Variants in SDK1 observed in about 807,000 individuals in gnomAD.
SDK1 encodes protein sidekick-1.
Under a neutral mutation model 245.5 loss-of-function variants are expected in SDK1, and 157 were observed. The ratio of observed to expected loss-of-function variants is 0.64; its 90% CI spans 0.56 to 0.73. The LOEUF (loss-of-function observed/expected upper bound fraction) is 0.73. SDK1 is among the 30% of genes least tolerant of loss of function. The pLI is 0.00. For synonymous variants in SDK1, 1,647 were observed against 1,278.5 expected, an observed-to-expected ratio of 1.29 and a Z score of -6.15; for missense variants, 3,583 against 3,002.3, an observed-to-expected ratio of 1.19 and a Z score of -4.52.
intron 1 of SDK1, among the ~76,000 whole-genome samples, chr7:3,505,870 T>C (rs886678060): frequency 2.0e-5 from 3 of 152,190 alleles, no homozygotes; most frequent in African/African-American, 2.4e-5. Flanking sequence ...CAATCCCCTT[T>C]GAATACCAAG....
At chr7:3,929,826 G>C (rs1265992634) in intron 5 of SDK1, among the ~76,000 whole-genome samples, 1 of 152,060 alleles carries the variant, frequency 6.6e-6, no homozygotes, top group East Asian at 1.9e-4. Flanking sequence ...ACCTGAGGCT[G>C]GTAATTTATA....
At chr7:3,518,967 A>AC (rs1782840288) in intron 1 of SDK1, among the ~76,000 whole-genome samples, 1 of 151,650 alleles carries the variant, frequency 6.6e-6, no homozygotes, top group African/African-American at 2.4e-5. Context: ...TCAGCCATAA[A>AC]AAAAAAAAGG....
intron 4 of SDK1, among the ~76,000 whole-genome samples, chr7:3,694,664 G>A (rs140211779): frequency 1.3e-5 from 2 of 152,110 alleles, no homozygotes; most frequent in Admixed American, 1.3e-4. Context: ...CCACTGTCTT[G>A]GTGTGTCTGA....
chr7:3,717,900 C>G (rs573355148), intron 4 of SDK1, among the ~76,000 whole-genome samples: 2 of 151,910 alleles, frequency 1.3e-5, no homozygotes, highest in Admixed American at 1.3e-4. Flanking sequence ...GAAACACTTC[C>G]CAATTCATGT....
rs1392680329 is a variant in SDK1, at chr7:4,026,029, A to G, written c.2602+8677A>G. 1.3e-5 allele frequency among the ~76,000 whole-genome samples: 2 copies of G among 152,164 alleles called. No homozygotes were observed. The highest frequency in any genetic ancestry group is 3.9e-4 in the East Asian group (2 of 5,180). On this transcript the variant is annotated intron_variant, in intron 17 of 44. Coordinates refer to ENST00000404826, the MANE Select transcript of SDK1 (RefSeq NM_152744.4). This position sits in a 1 kb window ranked among gnomAD's most constrained non-coding sequence, Gnocchi z 4.1. ...CTGCAGCCCAGAAGGCGCATGGGGA[A>G]ATTAGGTCCACGAACGCGTCCCCAG...
intron 32 of SDK1, among the ~76,000 whole-genome samples, chr7:4,162,369 GTTATTATTATTATTATTATTATTA>G (rs533484732): frequency 1.2e-4 from 15 of 128,382 alleles, no homozygotes; most frequent in Non-Finnish European, 2.0e-4. Context: ...TGTTGTTGTT[GTTATTATTATTATTATTATTATTA>G]TTATTATTAT....
intron 1 of SDK1, among the ~76,000 whole-genome samples, chr7:3,590,859 T>C (rs1161839240): frequency 6.6e-6 from 1 of 151,342 alleles, no homozygotes; most frequent in Non-Finnish European, 1.5e-5. Context: ...CGTAGATTAC[T>C]GTGGCCTTGA....
At chr7:3,738,299 G>A (rs1482961638) in intron 4 of SDK1, among the ~76,000 whole-genome samples, 1 of 152,188 alleles carries the variant, frequency 6.6e-6, no homozygotes, top group Admixed American at 6.5e-5. Context: ...ATTTACTAGA[G>A]ACTGTCCTTT....
At chr7:4,016,708 C>G (rs2128151796) in intron 16 of SDK1, among the ~76,000 whole-genome samples, 1 of 152,284 alleles carries the variant, frequency 6.6e-6, no homozygotes, top group Non-Finnish European at 1.5e-5. Flanking sequence ...CTGGGATACA[C>G]TTGGACAAAC....
intron 17 of SDK1, among the ~76,000 whole-genome samples, chr7:4,041,964 C>T (rs1188953767): frequency 2.2e-5 from 3 of 135,182 alleles, no homozygotes; most frequent in Admixed American, 6.9e-5. Context: ...CAGGCCCGCG[C>T]CACCACGCCC....
intron 30 of SDK1, among the ~76,000 whole-genome samples, chr7:4,155,218 G>A (rs934792345): frequency 1.3e-5 from 2 of 151,968 alleles, no homozygotes; most frequent in Non-Finnish European, 2.9e-5. Context: ...GGCTTCCACC[G>A]AGAGGGTTAA....
chr7:3,569,030 C>G (rs1780019928), intron 1 of SDK1, among the ~76,000 whole-genome samples: 1 of 141,758 alleles, frequency 7.1e-6, no homozygotes, highest in African/African-American at 2.7e-5. Flanking sequence ...TCTAGTAACT[C>G]ATTACCATGA....
chr7:3,847,990 C>A (rs1780323116), intron 5 of SDK1, among the ~76,000 whole-genome samples: 4 of 152,240 alleles, frequency 2.6e-5, no homozygotes. Flanking sequence ...TACTTTCCTG[C>A]AACATACGTA....
intron 4 of SDK1, among the ~76,000 whole-genome samples, chr7:3,663,246 T>C (rs1317822924): frequency 1.3e-5 from 2 of 152,228 alleles, no homozygotes; most frequent in Non-Finnish European, 2.9e-5. Context: ...AGATATATAA[T>C]GATAATAGTA....
chr7:3,808,816 C>G (rs1469760533), intron 4 of SDK1, among the ~76,000 whole-genome samples: 1 of 152,040 alleles, frequency 6.6e-6, no homozygotes, highest in Non-Finnish European at 1.5e-5. Context: ...TGTTTACACA[C>G]AAATGCCATA....
chr7:4,078,772 G>A (rs987422711), intron 21 of SDK1, among the ~76,000 whole-genome samples: 3 of 152,224 alleles, frequency 2.0e-5, no homozygotes, highest in African/African-American at 4.8e-5. Flanking sequence ...TCATCTAGGA[G>A]TAGGCTTGAG....
chr7:3,924,198 A>T (rs1264471549), intron 5 of SDK1, among the ~76,000 whole-genome samples: 1 of 151,886 alleles, frequency 6.6e-6, no homozygotes, highest in Non-Finnish European at 1.5e-5. Context: ...GGATGGGGAA[A>T]AGGTGGACTC....
intron 1 of SDK1, among the ~76,000 whole-genome samples, chr7:3,469,231 T>C (rs1583904542): frequency 1.3e-5 from 2 of 152,122 alleles, no homozygotes; most frequent in Admixed American, 1.3e-4. Context: ...GAGACCAGCC[T>C]GGGAAAGAAA....
At chr7:4,162,027 A>G (rs1453772100) in intron 32 of SDK1, among the ~76,000 whole-genome samples, 171 bp downstream of exon 32, 2 of 152,122 alleles carry the variant, frequency 1.3e-5, no homozygotes, top group Non-Finnish European at 2.9e-5. Context: ...AATGGTGTCA[A>G]TTATCATCTC....
Sources: gnomAD v4.1 joint callset for allele counts (sites outside exome capture counted in the v4.1 genomes callset) on GRCh38, gnomAD v4.1.1 for gene constraint, Gnocchi (gnomAD v3.1) non-coding constraint, MANE v1.5 for transcripts, NCBI Gene and HGNC (gene_info 2026-07-23, HGNC 2026-07-21) for gene names.